RNASE9: variants seen among roughly 807,000 people sequenced by gnomAD.
The protein encoded by RNASE9 is ribonuclease A family member 9 (inactive).
For missense variants in RNASE9, 263 were observed against 247.1 expected (o/e 1.06, Z -0.43); for synonymous variants, 95 against 87.6 (o/e 1.08, Z -0.47).
exon 3 of RNASE9, chr14:20,556,644 A>G: frequency 6.2e-7 from 1 of 1,613,336 alleles, no homozygotes; most frequent in Non-Finnish European, 8.5e-7. Flanking sequence ...CTGTTAAATT[A>G]CAATACACTC....
exon 3 of RNASE9, chr14:20,556,514 C>A (rs149710160): frequency 1.9e-6 from 3 of 1,613,782 alleles, no homozygotes; most frequent in Non-Finnish European, 1.7e-6. Context: ...GGTGGCTCCA[C>A]GAGATCATTT....
exon 3 of RNASE9, chr14:20,557,401 G>A (rs1254507502): frequency 8.0e-6 from 2 of 250,988 alleles, no homozygotes; most frequent in Non-Finnish European, 1.5e-5. Context: ...AGGAGAGAGG[G>A]AAGGAGAAAG....
At chr14:20,557,239 T>C (rs1245345331) in exon 3 of RNASE9, 7 of 679,578 alleles carry the variant, frequency 1.0e-5, no homozygotes, top group Non-Finnish European at 1.7e-5. Flanking sequence ...ACTTCTAAAT[T>C]ATTGACAAAA....
chr14:20,557,099 G>A lies in RNASE9; in HGVS notation c.-30C>T, dbSNP rs770848060. 35 of 1,582,300 alleles carry A rather than the reference G, an allele frequency of 2.2e-5. No individual in the cohort carries two copies. The highest frequency in any genetic ancestry group is 2.9e-5 in the Non-Finnish European group (34 of 1,166,568). The stretch of plus-strand genomic sequence containing the variant: ...CCTGCAGACACTAAAAGAGATAACG[G>A]GATATGTTCTATTGTGATAATGTGC... On this transcript the variant is annotated 5_prime_UTR_variant, in exon 3 of 3. Transcript: ENST00000555230.
chr14:20,557,259 C>G (rs112306131), exon 3 of RNASE9: 1 of 604,986 alleles, frequency 1.7e-6, no homozygotes, highest in African/African-American at 1.9e-5. Context: ...AATGACCTTA[C>G]TAGGCCTACA....
chr14:20,556,842 T>C, exon 3 of RNASE9: 1 of 1,614,222 alleles, frequency 6.2e-7, no homozygotes, highest in Non-Finnish European at 8.5e-7. Context: ...TATGATTTAG[T>C]GGCATTCCAG....
At chr14:20,557,318 T>C (rs1386145653) in exon 3 of RNASE9, 15 of 425,288 alleles carry the variant, frequency 3.5e-5, no homozygotes, top group Non-Finnish European at 6.2e-5. Flanking sequence ...GGAAGGAGAA[T>C]GAGAAAGGGA....
exon 3 of RNASE9, chr14:20,558,526 C>T: frequency 6.5e-7 from 1 of 1,533,854 alleles, no homozygotes; most frequent in Non-Finnish European, 8.8e-7. Context: ...TTCCTCCCAT[C>T]CCTGCTTTCA....
exon 3 of RNASE9, chr14:20,556,619 G>T (rs939318974): frequency 6.2e-7 from 1 of 1,613,502 alleles, no homozygotes; most frequent in African/African-American, 1.3e-5. Flanking sequence ...TTACACGCTG[G>T]TATTTCAAAT....
At chr14:20,560,824 T>C (rs1356934803) in intron 1 of RNASE9, 50 bp downstream of exon 1, 1 of 152,194 alleles carries the variant, frequency 6.6e-6, no homozygotes, top group Non-Finnish European at 1.5e-5. Context: ...TATAATATTA[T>C]AGTACTAGGA....
chr14:20,558,144 T>C (rs1883786905), exon 3 of RNASE9: 2 of 295,144 alleles, frequency 6.8e-6, no homozygotes, highest in Non-Finnish European at 1.3e-5. Context: ...GAACCAATTA[T>C]TTAATTGCAG....
Position 20,560,648 on chromosome 14 carries a change from A to G in RNASE9, c.-1634+226T>C, listed in dbSNP as rs182123100. Among the ~76,000 whole-genome samples, 58 of 152,220 alleles carry G rather than the reference A, an allele frequency of 3.8e-4. No homozygotes were observed. The East Asian group carries it at 0.01, about 26-fold the overall frequency. On this transcript the variant is annotated intron_variant, in intron 1 of 2. Transcript: ENST00000555230. ...ATAATAATTATTATTATAAGAGCTA[A>G]TATTTATTGAGACAGTATTTTATAT...
exon 3 of RNASE9, chr14:20,556,675 C>A (rs1883705801): frequency 6.2e-7 from 1 of 1,613,208 alleles, no homozygotes; most frequent in Non-Finnish European, 8.5e-7. Context: ...ACCTTTGCTC[C>A]TGTTACATTT....
In RNASE9 at chr14:20,556,839, T is replaced by C. The variant is rs1883716703; in HGVS notation, c.231A>G (p.Leu77=). Residue 77 remains leucine, a synonymous_variant, in exon 3 of 3, where the codon CTA becomes CTG. Transcript: ENST00000555230. ...CATGGTTACAGTACTCTATATGATT[T>C]AGTGGCATTCCAGGTTCAATAAGGA... is the stretch of plus-strand genomic sequence containing the variant. The C allele has an allele frequency of 1.9e-6, 3 of 1,614,098 alleles. No homozygotes were observed. In the African/African-American group the frequency reaches 4.0e-5, roughly 22 times the overall value.
Position 20,556,456 on chromosome 14 carries a change from G to A in RNASE9, c.614C>T (p.Pro205Leu), listed in dbSNP as rs765052498. The A allele has an allele frequency of 3.7e-6, 6 of 1,603,418 alleles. No homozygotes were observed. The African/African-American group carries it at 6.7e-5, about 18-fold the overall frequency. Residue 205 changes from proline (P) to leucine (L), a missense_variant, in exon 3 of 3, where the codon CCC becomes CTC. Coordinates refer to ENST00000555230, the Ensembl canonical transcript of RNASE9. ...AAGCTCTCAGAGAACGCTCTGCTAG[G>A]GCGATATGACAAAGACACCATCCTC...
chr14:20,557,061 T>C (rs79068517), exon 3 of RNASE9: 21,438 of 1,602,516 alleles, frequency 0.013, 357 homozygotes, highest in African/African-American at 0.064. Context: ...TGATGAGAGT[T>C]CTCATCATTT....
exon 3 of RNASE9, chr14:20,556,242 T>G: frequency 1.9e-6 from 1 of 514,416 alleles, no homozygotes; most frequent in South Asian, 3.5e-5. Flanking sequence ...ATTCAAGGCA[T>G]GCTAACTTAG....
At chr14:20,556,988 C>G in exon 3 of RNASE9, 1 of 1,614,132 alleles carries the variant, frequency 6.2e-7, no homozygotes, top group Non-Finnish European at 8.5e-7. Context: ...GTATCCACCT[C>G]TTGAAACTGC....
intron 2 of RNASE9, chr14:20,558,702 T>G (rs1883817560): frequency 1.0e-6 from 1 of 960,650 alleles, no homozygotes; most frequent in Non-Finnish European, 1.6e-6. Flanking sequence ...CAGGCAGCTG[T>G]GGCCCTGCCC....
Sources: gnomAD v4.1 joint callset for allele counts (sites outside exome capture counted in the v4.1 genomes callset) on GRCh38, gnomAD v4.1.1 for gene constraint, MANE v1.5 for transcripts, NCBI Gene and HGNC (gene_info 2026-07-23, HGNC 2026-07-21) for gene names.